Variants in CAMKMT observed in about 807,000 individuals in gnomAD.
CAMKMT encodes the protein CaM KMT.
In CAMKMT, 53 loss-of-function variants were observed where a neutral mutation model predicts 48.0. That is an observed-to-expected ratio of 1.10 (90% CI 0.89 to 1.39). The LOEUF is 1.39. Among genes scored for constraint, CAMKMT ranks in the 40% most tolerant of loss-of-function variants. The pLI is 0.00. For missense variants in CAMKMT, 428 were observed against 402.7 expected (o/e 1.06, Z -0.54); for synonymous variants, 165 against 152.3 (o/e 1.08, Z -0.61).
intron 3 of CAMKMT, among the ~76,000 whole-genome samples, chr2:44,508,253 A>G (rs1670360710): frequency 6.6e-6 from 1 of 152,172 alleles, no homozygotes; most frequent in South Asian, 2.1e-4. Context: ...AACACATGAG[A>G]GTTGCCTAAT....
In CAMKMT at chr2:44,467,552, A is replaced by G. The variant is rs183917026; in HGVS notation, c.376+77247A>G. Among the ~76,000 whole-genome samples, 64 of 145,394 alleles carry G rather than the reference A, an allele frequency of 4.4e-4. No individual in the cohort carries two copies. The East Asian group carries it at 0.012, about 27-fold the overall frequency. On this transcript the variant is annotated intron_variant, in intron 3 of 10. Transcript: ENST00000378494. ...GAAACTCTGTCTCAGAAAAAAAAAC[A>G]AAAAAAAACAAAGCCAAACCAACAA...
chr2:44,693,192 G>A (rs944163388), intron 3 of CAMKMT, among the ~76,000 whole-genome samples: 9 of 152,056 alleles, frequency 5.9e-5, no homozygotes, highest in African/African-American at 2.2e-4. Context: ...CTCTTGCCCC[G>A]TTTCATCTAA....
intron 3 of CAMKMT, among the ~76,000 whole-genome samples, chr2:44,570,694 GT>G (rs926964420): frequency 2.6e-5 from 4 of 152,070 alleles, no homozygotes; most frequent in Non-Finnish European, 4.4e-5. Flanking sequence ...TTTTTAGACA[GT>G]TTTTTTGTTT....
At chr2:44,397,447 A>G (rs955593266) in intron 3 of CAMKMT, among the ~76,000 whole-genome samples, 9 of 152,162 alleles carry the variant, frequency 5.9e-5, no homozygotes, top group African/African-American at 1.9e-4. Context: ...TTAGCATCGT[A>G]ATGTACATGT....
chr2:44,695,882 G>T (rs1262169195), intron 3 of CAMKMT, among the ~76,000 whole-genome samples: 4 of 150,174 alleles, frequency 2.7e-5, no homozygotes, highest in Non-Finnish European at 5.9e-5. Flanking sequence ...TGAGGATTCA[G>T]CCAACCTCTG....
At chr2:44,611,926 A>G (rs1045786947) in intron 3 of CAMKMT, among the ~76,000 whole-genome samples, 1 of 152,076 alleles carries the variant, frequency 6.6e-6, no homozygotes. Flanking sequence ...ATCACCAAAG[A>G]GATGGTCCAC....
chr2:44,530,561 C>T (rs1217108851), intron 3 of CAMKMT, among the ~76,000 whole-genome samples: 1 of 152,104 alleles, frequency 6.6e-6, no homozygotes, highest in Non-Finnish European at 1.5e-5. Flanking sequence ...TGTACTTTGT[C>T]AATGTTCAGT....
chr2:44,510,004 A>G (rs1179919522), intron 3 of CAMKMT, among the ~76,000 whole-genome samples: 1 of 152,192 alleles, frequency 6.6e-6, no homozygotes, highest in Non-Finnish European at 1.5e-5. Context: ...ATGGACTATG[A>G]CAGTTCTCAA....
At chr2:44,696,004 G>A (rs541458918) in intron 3 of CAMKMT, among the ~76,000 whole-genome samples, 8 of 152,118 alleles carry the variant, frequency 5.3e-5, no homozygotes, top group Middle Eastern at 3.4e-3. Flanking sequence ...GTGGAGTGGC[G>A]TGATCTCGGC....
chr2:44,676,547 C>G (rs1675700401), intron 3 of CAMKMT: 1 of 152,222 alleles, frequency 6.6e-6, no homozygotes, highest in African/African-American at 2.4e-5. Flanking sequence ...TCCGTAAATC[C>G]TAAAGTCAGT....
At chr2:44,367,936 G>A (rs1483361022) in intron 1 of CAMKMT, among the ~76,000 whole-genome samples, 1 of 152,204 alleles carries the variant, frequency 6.6e-6, no homozygotes, top group East Asian at 1.9e-4. Context: ...GTCTTCATAA[G>A]TGTTTCTGTA....
chr2:44,590,195 A>G (rs550029609), intron 3 of CAMKMT, among the ~76,000 whole-genome samples: 9 of 151,580 alleles, frequency 5.9e-5, no homozygotes, highest in Non-Finnish European at 2.9e-5. Flanking sequence ...GAGAATATCT[A>G]TGTCTATGGG....
At chr2:44,372,616 A>G in intron 1 of CAMKMT, 100 bp from the exon 2 acceptor site, 1 of 929,974 alleles carries the variant, frequency 1.1e-6, no homozygotes, top group East Asian at 2.5e-5. Flanking sequence ...TCATTATTAG[A>G]AGGGAAAGTC....
chr2:44,694,464 C>T (rs1187649285), intron 3 of CAMKMT, among the ~76,000 whole-genome samples: 2 of 152,118 alleles, frequency 1.3e-5, no homozygotes, highest in Non-Finnish European at 2.9e-5. Flanking sequence ...GTCCCACCTA[C>T]TTGGGAGAGA....
At chr2:44,593,478 A>G (rs970133324) in intron 3 of CAMKMT, among the ~76,000 whole-genome samples, 1 of 151,876 alleles carries the variant, frequency 6.6e-6, no homozygotes, top group African/African-American at 2.4e-5. Flanking sequence ...CAGACTTTCA[A>G]CTCTGGTACT....
At position 44,504,135 on chromosome 2, in the gene CAMKMT, C is replaced by A. The variant is rs1375766735; in HGVS notation, c.376+113830C>A. Among the ~76,000 whole-genome samples the A allele has an allele frequency of 3.3e-5, 5 of 152,140 alleles. No homozygotes were observed. In the East Asian group the frequency reaches 9.7e-4, roughly 29 times the overall value. ...TCCCAAAGGCCCTATCTTCAAATAC[C>A]ATCACATTAGGGATTAGGGTTTCAA... On this transcript the variant is annotated intron_variant, in intron 3 of 10. Coordinates refer to ENST00000378494, the MANE Select transcript of CAMKMT (RefSeq NM_024766.5).
chr2:44,708,125 T>TACTTTAGC (rs1677665345), intron 6 of CAMKMT, among the ~76,000 whole-genome samples: 1 of 151,460 alleles, frequency 6.6e-6, no homozygotes, highest in Non-Finnish European at 1.5e-5. Flanking sequence ...TAAATGTAGC[T>TACTTTAGC]ACTTTAGCAG....
intron 7 of CAMKMT, among the ~76,000 whole-genome samples, chr2:44,739,758 A>G (rs1034412010): frequency 6.6e-6 from 1 of 152,208 alleles, no homozygotes; most frequent in African/African-American, 2.4e-5. Flanking sequence ...GGAATTGGCA[A>G]CAGAGCGTCA....
At chr2:44,377,416 T>G (rs995443993) in intron 2 of CAMKMT, among the ~76,000 whole-genome samples, 5 of 152,224 alleles carry the variant, frequency 3.3e-5, no homozygotes, top group Admixed American at 3.3e-4. Context: ...ATTCTTTGAT[T>G]AAAATTTCCT....
Sources: allele counts gnomAD v4.1 joint callset (sites outside exome capture counted in the v4.1 genomes callset), GRCh38; gene constraint gnomAD v4.1.1; transcripts MANE v1.5; gene names NCBI Gene and HGNC (gene_info 2026-07-23, HGNC 2026-07-21).